SF3B1: variants seen among roughly 807,000 people sequenced by gnomAD.
SF3B1 encodes the protein splicing factor 3b subunit 1.
In SF3B1, 12 loss-of-function variants were observed where a neutral mutation model predicts 153.8. That is an observed-to-expected ratio of 0.08 (90% CI 0.05 to 0.13). The LOEUF (loss-of-function observed/expected upper bound fraction) is 0.13. Among genes scored for constraint, SF3B1 ranks in the 10% least tolerant of loss-of-function variants. The pLI is 1.00. For missense variants in SF3B1, 513 were observed against 1,606.1 expected (o/e 0.32, Z 11.63); for synonymous variants, 498 against 525.2 (o/e 0.95, Z 0.71).
intron 23 of SF3B1, 142 bp downstream of exon 23, chr2:197,395,914 T>C (rs1475840834): frequency 3.1e-6 from 2 of 643,532 alleles, no homozygotes; most frequent in East Asian, 2.7e-5. Flanking sequence ...ATAAGTCATA[T>C]TTACAATGTC....
chr2:197,409,840 T>C lies in SF3B1; in HGVS notation c.834A>G (p.Thr278=), dbSNP rs1429379886. The C allele has an allele frequency of 6.2e-7, 1 of 1,614,112 alleles. No homozygotes were observed. The highest frequency in any genetic ancestry group is 8.5e-7 in the Non-Finnish European group (1 of 1,179,974). ...TGGAAGTTGCGCCTCCATGGCCTGG[T>C]GTCGCATGGCCTGGTGTATCACCTC... is the stretch of plus-strand genomic sequence containing the variant. ...PGRGDTPGHA[T]PGHGGATSSA... is the part of the protein sequence containing the mutation. Residue 278 remains threonine, a synonymous_variant, in exon 7 of 25, where the codon ACA becomes ACG. Coordinates refer to ENST00000335508, the MANE Select transcript of SF3B1 (RefSeq NM_012433.4).
chr2:197,398,189 T>C, intron 21 of SF3B1, 73 bp from the exon 22 acceptor site: 1 of 1,230,428 alleles, frequency 8.1e-7, no homozygotes, highest in Non-Finnish European at 1.2e-6. Context: ...GCAAATTCAG[T>C]TCTAAAAACA....
At chr2:197,410,226 A>C (rs2085048156) in intron 6 of SF3B1, among the ~76,000 whole-genome samples, 1 of 152,192 alleles carries the variant, frequency 6.6e-6, no homozygotes, top group Admixed American at 6.5e-5. Context: ...AAGCACTGAC[A>C]AAAGTCCCAG....
intron 1 of SF3B1, among the ~76,000 whole-genome samples, chr2:197,424,562 A>G (rs1173940915): frequency 3.3e-5 from 5 of 151,584 alleles, no homozygotes; most frequent in East Asian, 1.9e-4. Flanking sequence ...AAATGTCCCC[A>G]GTTGCCCTAG....
At chr2:197,408,610 C>G (rs771023128) in intron 7 of SF3B1, 29 bp from the exon 8 acceptor site, 4 of 1,326,306 alleles carry the variant, frequency 3.0e-6, no homozygotes, top group Non-Finnish European at 3.3e-6. Context: ...AGTAAAACCA[C>G]AATTTTAATC....
chr2:197,400,614 C>G lies in SF3B1; in HGVS notation c.2718+101G>C. 1.1e-5 allele frequency: 12 copies of G among 1,067,328 alleles called. No individual in the cohort carries two copies. The highest frequency in any genetic ancestry group is 1.5e-5 in the Non-Finnish European group (11 of 739,638). 66.1% of individuals were successfully genotyped at this position (1,067,328 alleles called of 1,614,324 possible). A position where few individuals can be genotyped will look rare whatever the true frequency, so the allele number is the denominator to read the frequency against. On this transcript the variant is annotated intron_variant, in intron 18 of 24. Coordinates refer to ENST00000335508, the MANE Select transcript of SF3B1 (RefSeq NM_012433.4). The surrounding 1 kb of genome is among the most constrained non-coding windows in gnomAD (Gnocchi z 5.0). The stretch of plus-strand genomic sequence containing the variant: ...AACCCCCTGAGCATTTTAAAAATTA[C>G]TTCAAATTCAATTGCATTCTAGAAA...
At position 197,401,088 on chromosome 2, in the gene SF3B1, A is replaced by C; in HGVS notation, c.2497-152T>G. On this transcript the variant is annotated intron_variant, in intron 17 of 24. Transcript: ENST00000335508. The surrounding 1 kb of genome is among the most constrained non-coding windows in gnomAD (Gnocchi z 4.2). ...TTGCTACTTATTAAAGTTGAAGAGA[A>C]AAGTGACCAAACATCGAAAAATGAG... 1 of 633,392 alleles carries C rather than the reference A, an allele frequency of 1.6e-6. No homozygotes were observed. Among genetic ancestry groups the C allele is most frequent in the South Asian group, 2.0e-5 (1 of 48,818 alleles). 39.2% of individuals were successfully genotyped at this position (633,392 alleles called of 1,614,324 possible). A position where few individuals can be genotyped will look rare whatever the true frequency, so the allele number is the denominator to read the frequency against.
chr2:197,424,334 T>C (rs527736997), intron 1 of SF3B1, among the ~76,000 whole-genome samples: 1 of 152,218 alleles, frequency 6.6e-6, no homozygotes, highest in East Asian at 1.9e-4. Flanking sequence ...ACCCCGTCTC[T>C]ACTAAAAAAT....
intron 1 of SF3B1, among the ~76,000 whole-genome samples, chr2:197,431,094 G>A (rs1195438475): frequency 1.4e-5 from 2 of 142,492 alleles, no homozygotes; most frequent in Non-Finnish European, 3.0e-5. Flanking sequence ...CCCCTCCTGT[G>A]CCTTTTCTTC....
intron 5 of SF3B1, among the ~76,000 whole-genome samples, chr2:197,417,575 TAA>T (rs56204414): frequency 9.0e-5 from 9 of 99,808 alleles, no homozygotes; most frequent in Admixed American, 1.1e-4. Context: ...CCACCTCTAC[TAA>T]AAAAAAAAAA....
chr2:197,392,575 G>GGGGC (rs1553563329), intron 24 of SF3B1, 114 bp from the exon 25 acceptor site: 3 of 314,710 alleles, frequency 9.5e-6, no homozygotes, highest in East Asian at 1.6e-4. Flanking sequence ...GGAGTTGGGG[G>GGGGC]GGGGGGAACC....
intron 9 of SF3B1, 90 bp from the exon 10 acceptor site, chr2:197,405,562 T>C (rs2084980858): frequency 1.1e-6 from 1 of 904,936 alleles, no homozygotes; most frequent in Admixed American, 2.5e-5. Flanking sequence ...TTTAGTTTAT[T>C]AGCTAATAAG....
At chr2:197,423,644 A>T (rs1007035915) in intron 2 of SF3B1, among the ~76,000 whole-genome samples, 164 bp downstream of exon 2, 25 of 152,216 alleles carry the variant, frequency 1.6e-4, no homozygotes. Context: ...AAGCATTTCC[A>T]GTGAAGTTTC....
rs1437265786 is a variant in SF3B1 at position 197,405,478 on chromosome 2, A to G, written c.1240-6T>C. On this transcript the variant is annotated splice_region_variant and splice_polypyrimidine_tract_variant and intron_variant, in intron 9 of 24. Coordinates refer to ENST00000335508, the MANE Select transcript of SF3B1 (RefSeq NM_012433.4). ...CCAGCTGGAGGAGGAAGTACCTAAT[A>G]AAAGTTATAAGACAGTTTAGGATTT... 1.9e-6 allele frequency: 3 copies of G among 1,596,384 alleles called. No individual in the cohort carries two copies. Among genetic ancestry groups the G allele is most frequent in the Middle Eastern group, 1.6e-4 (1 of 6,066 alleles).
Position 197,401,311 on chromosome 2 carries a change from G to T in SF3B1, c.2496+89C>A. 1.6e-6 allele frequency: 2 copies of T among 1,215,882 alleles called. No individual in the cohort carries two copies. Among genetic ancestry groups the T allele is most frequent in the South Asian group, 1.5e-5 (1 of 68,776 alleles). 75.3% of individuals were successfully genotyped at this position (1,215,882 alleles called of 1,614,324 possible). ...ACATATAAACTGTGAGATAATCAAG[G>T]CAAAAAATAATATACAACATGCATT... On this transcript the variant is annotated intron_variant, in intron 17 of 24. Transcript: ENST00000335508. The surrounding 1 kb of genome is among the most constrained non-coding windows in gnomAD (Gnocchi z 4.2).
intron 23 of SF3B1, among the ~76,000 whole-genome samples, 172 bp downstream of exon 23, chr2:197,395,884 G>A (rs537664972): frequency 6.6e-6 from 1 of 152,172 alleles, no homozygotes; most frequent in Non-Finnish European, 1.5e-5. Flanking sequence ...TCACTACAGC[G>A]TGCACATTAT....
At chr2:197,411,070 T>C (rs2085060412) in intron 6 of SF3B1, among the ~76,000 whole-genome samples, 1 of 152,174 alleles carries the variant, frequency 6.6e-6, no homozygotes, top group Non-Finnish European at 1.5e-5. Flanking sequence ...CCTGAGTAGC[T>C]GAGACTACAT....
rs897757585 is a variant in SF3B1 at position 197,390,535 on chromosome 2, C to T, written c.*1768G>A. The T allele has an allele frequency of 7.2e-5, 11 of 152,026 alleles. No homozygotes were observed. Among genetic ancestry groups the T allele is most frequent in the African/African-American group, 2.7e-4 (11 of 41,508 alleles). 9.4% of individuals were successfully genotyped at this position (152,026 alleles called of 1,614,324 possible). A position where few individuals can be genotyped will look rare whatever the true frequency, so the allele number is the denominator to read the frequency against. On this transcript the variant is annotated 3_prime_UTR_variant, in exon 25 of 25. Coordinates refer to ENST00000335508, the MANE Select transcript of SF3B1 (RefSeq NM_012433.4). ...TAGTGACATATATTCAGAAAGTTGT[C>T]ATACAAGGAATGATGAGGAGTTACA...
Position 197,416,864 on chromosome 2 carries a change from T to C in SF3B1, c.543A>G (p.Leu181=), listed in dbSNP as rs2085155423. The change falls in exon 6 of 25, where the codon CTA becomes CTG. Residue 181 remains leucine, a synonymous_variant. Transcript: ENST00000335508. ...ACGCTGCTGCTCCATTGACGACTTT[T>C]AGTTCTCCAGCTTTAGCTTTTTCTG... is the stretch of plus-strand genomic sequence containing the variant. ...QLAEKAKAGE[L]KVVNGAAASQ... 1.2e-6 allele frequency: 2 copies of C among 1,614,152 alleles called. No individual in the cohort carries two copies. The highest frequency in any genetic ancestry group is 1.7e-6 in the Non-Finnish European group (2 of 1,179,976).
Sources: allele counts gnomAD v4.1 joint callset (sites outside exome capture counted in the v4.1 genomes callset), GRCh38; gene constraint gnomAD v4.1.1; non-coding constraint Gnocchi (gnomAD v3.1); transcripts MANE v1.5; gene names NCBI Gene and HGNC (gene_info 2026-07-23, HGNC 2026-07-21).